The following NXPH1 variants were observed in gnomAD, a reference collection of about 807,000 sequenced individuals.
NXPH1 encodes the protein neurexophilin-1.
NXPH1 carries 5 observed loss-of-function variants against 23.7 expected under a neutral mutation model. That is an observed-to-expected ratio of 0.21 (90% CI 0.11 to 0.44). The LOEUF is 0.44. NXPH1 is among the 20% of genes least tolerant of loss of function. NXPH1 has a pLI of 0.99. For synonymous variants in NXPH1, 144 were observed against 122.2 expected, an observed-to-expected ratio of 1.18 and a Z score of -1.18; for missense variants, 324 against 321.6, an observed-to-expected ratio of 1.01 and a Z score of -0.06.
At chr7:8,530,733 C>G (rs1368582283) in intron 2 of NXPH1, among the ~76,000 whole-genome samples, 2 of 152,140 alleles carry the variant, frequency 1.3e-5, no homozygotes, top group Non-Finnish European at 2.9e-5. Flanking sequence ...CAATTGTCAG[C>G]CCTGCTGAGG....
At chr7:8,572,073 C>G (rs1003412016) in intron 2 of NXPH1, among the ~76,000 whole-genome samples, 1 of 151,834 alleles carries the variant, frequency 6.6e-6, no homozygotes, top group South Asian at 2.1e-4. Context: ...ACAGGACACC[C>G]AGTTAAATCT....
At chr7:8,729,131 G>A (rs951808591) in intron 2 of NXPH1, among the ~76,000 whole-genome samples, 1 of 151,992 alleles carries the variant, frequency 6.6e-6, no homozygotes, top group Non-Finnish European at 1.5e-5. Flanking sequence ...TTGCATAGAG[G>A]TGTTTATAGT....
intron 2 of NXPH1, among the ~76,000 whole-genome samples, chr7:8,469,893 A>G (rs895402179): frequency 2.0e-5 from 3 of 152,136 alleles, no homozygotes; most frequent in African/African-American, 7.2e-5. Flanking sequence ...AGCTTCAGTG[A>G]TACTGGCTTG....
At chr7:8,580,128 G>A (rs886200655) in intron 2 of NXPH1, among the ~76,000 whole-genome samples, 2 of 152,152 alleles carry the variant, frequency 1.3e-5, no homozygotes, top group African/African-American at 4.8e-5. Context: ...CTTCACTGGG[G>A]AACGGGCATG....
At chr7:8,680,765 G>A (rs1315717155) in intron 2 of NXPH1, among the ~76,000 whole-genome samples, 4 of 152,348 alleles carry the variant, frequency 2.6e-5, no homozygotes, top group Middle Eastern at 3.4e-3. Flanking sequence ...AACACCTGGA[G>A]CTGCCAGTGC....
At position 8,434,314 on chromosome 7, in the gene NXPH1, C is replaced by T. The variant is rs574545324; in HGVS notation, c.-552C>T. On this transcript the variant is annotated 5_prime_UTR_variant, in exon 1 of 3. Transcript: ENST00000405863. This position sits in a 1 kb window ranked among gnomAD's most constrained non-coding sequence, Gnocchi z 7.6. The stretch of plus-strand genomic sequence containing the variant: ...TCAGTCTCCTCCCCTTAAGTCATTT[C>T]CACCATCCTCAGGCAGCTGTGGGAA... 6.5e-6 allele frequency: 1 copy of T among 153,460 alleles called. No homozygotes were observed. The highest frequency in any genetic ancestry group is 2.1e-4 in the South Asian group (1 of 4,830). 9.5% of individuals were successfully genotyped at this position (153,460 alleles called of 1,614,324 possible).
intron 2 of NXPH1, among the ~76,000 whole-genome samples, chr7:8,539,234 A>G (rs553220867): frequency 6.6e-6 from 1 of 151,910 alleles, no homozygotes; most frequent in Non-Finnish European, 1.5e-5. Context: ...ACAAGAAGCT[A>G]AGGGATAATA....
chr7:8,741,514 C>A (rs1365907090), intron 2 of NXPH1, among the ~76,000 whole-genome samples: 2 of 152,084 alleles, frequency 1.3e-5, no homozygotes, highest in South Asian at 2.1e-4. Context: ...AAGTTATAAT[C>A]CCATCCACAG....
intron 2 of NXPH1, among the ~76,000 whole-genome samples, chr7:8,688,172 T>C (rs1209929709): frequency 1.3e-5 from 2 of 152,130 alleles, no homozygotes; most frequent in Non-Finnish European, 2.9e-5. Context: ...GTCTTCAAAA[T>C]GCACAGCTGA....
chr7:8,446,577 T>C (rs1223878845), intron 2 of NXPH1, among the ~76,000 whole-genome samples: 1 of 152,240 alleles, frequency 6.6e-6, no homozygotes, highest in Admixed American at 6.5e-5. Context: ...AAAATGAGGC[T>C]TTTTGAATGT....
At chr7:8,587,294 C>CT (rs3084542) in intron 2 of NXPH1, among the ~76,000 whole-genome samples, 101 of 147,268 alleles carry the variant, frequency 6.9e-4, no homozygotes, top group Admixed American at 7.5e-4. Context: ...GATTTTTAAA[C>CT]TTTTTTTTTT....
chr7:8,719,057 T>C (rs1779923417), intron 2 of NXPH1, among the ~76,000 whole-genome samples: 1 of 152,210 alleles, frequency 6.6e-6, no homozygotes, highest in Non-Finnish European at 1.5e-5. Context: ...GATAAAAATA[T>C]GGGTGGAGAG....
intron 2 of NXPH1, among the ~76,000 whole-genome samples, chr7:8,532,983 T>G (rs1817971766): frequency 6.6e-6 from 1 of 152,074 alleles, no homozygotes; most frequent in Admixed American, 6.6e-5. Context: ...GATTACTGAG[T>G]GCTTGCTGTC....
At chr7:8,678,614 A>T (rs1324328412) in intron 2 of NXPH1, among the ~76,000 whole-genome samples, 1 of 151,976 alleles carries the variant, frequency 6.6e-6, no homozygotes, top group Non-Finnish European at 1.5e-5. Flanking sequence ...ATCTCTTATT[A>T]ATCTCACTCC....
intron 2 of NXPH1, among the ~76,000 whole-genome samples, chr7:8,558,129 G>C (rs942021537): frequency 4.0e-5 from 6 of 151,734 alleles, no homozygotes; most frequent in African/African-American, 1.4e-4. Context: ...TTATGTATGA[G>C]AAACATTTTG....
At chr7:8,651,228 T>G (rs1424216546) in intron 2 of NXPH1, among the ~76,000 whole-genome samples, 3 of 14,960 alleles carry the variant, frequency 2.0e-4, no homozygotes, top group Non-Finnish European at 5.4e-4. Context: ...GGTGTTTGGT[T>G]TTTTGTTCTT....
At chr7:8,528,844 AT>A (rs1442431191) in intron 2 of NXPH1, among the ~76,000 whole-genome samples, 1 of 152,224 alleles carries the variant, frequency 6.6e-6, no homozygotes, top group Admixed American at 6.5e-5. Flanking sequence ...CTAATAACAA[AT>A]TTCCACAAAT....
chr7:8,459,618 T>G (rs1816657575), intron 2 of NXPH1, among the ~76,000 whole-genome samples: 3 of 152,156 alleles, frequency 2.0e-5, no homozygotes, highest in Non-Finnish European at 4.4e-5. Context: ...ACTAATGACT[T>G]CAGCTTTGAT....
At chr7:8,476,033 A>T (rs1365849132) in intron 2 of NXPH1, among the ~76,000 whole-genome samples, 1 of 152,158 alleles carries the variant, frequency 6.6e-6, no homozygotes, top group East Asian at 1.9e-4. Context: ...AAATGATGCT[A>T]ATATTGCTCT....
Sources: gnomAD v4.1 joint callset for allele counts (sites outside exome capture counted in the v4.1 genomes callset) on GRCh38, gnomAD v4.1.1 for gene constraint, Gnocchi (gnomAD v3.1) non-coding constraint, MANE v1.5 for transcripts, NCBI Gene and HGNC (gene_info 2026-07-23, HGNC 2026-07-21) for gene names.